Variants in PDZD8 observed in about 807,000 individuals in gnomAD.
The protein encoded by PDZD8 is PDZ domain-containing protein 8.
PDZD8 carries 14 observed loss-of-function variants against 85.8 expected under a neutral mutation model. The observed-to-expected ratio is 0.16, with a 90% CI of 0.11 to 0.26. The LOEUF is 0.26. Among genes scored for constraint, PDZD8 ranks in the 10% least tolerant of loss-of-function variants. The pLI, the probability that PDZD8 is intolerant of heterozygous loss-of-function variation, is 1.00. For synonymous variants in PDZD8, 592 were observed against 568.6 expected, an observed-to-expected ratio of 1.04 and a Z score of -0.59; for missense variants, 1,197 against 1,424.3, an observed-to-expected ratio of 0.84 and a Z score of 2.57.
At chr10:117,332,495 T>G (rs2133832010) in intron 2 of PDZD8, among the ~76,000 whole-genome samples, 1 of 134,566 alleles carries the variant, frequency 7.4e-6, no homozygotes, top group East Asian at 2.3e-4. Context: ...TTTTATTCTG[T>G]AAGGGTTTTT....
chr10:117,304,400 C>T (rs1175494019), intron 3 of PDZD8, among the ~76,000 whole-genome samples: 1 of 152,136 alleles, frequency 6.6e-6, no homozygotes, highest in African/African-American at 2.4e-5. Context: ...ATTTTACAGG[C>T]TCATAGGCGG....
intron 1 of PDZD8, among the ~76,000 whole-genome samples, chr10:117,373,829 C>T (rs921342531): frequency 6.6e-6 from 1 of 152,090 alleles, no homozygotes; most frequent in Non-Finnish European, 1.5e-5. Context: ...GCAAGAGTTA[C>T]CACCTCTGCC....
intron 4 of PDZD8, among the ~76,000 whole-genome samples, chr10:117,287,252 A>G (rs1019302811): frequency 1.3e-5 from 2 of 151,900 alleles, no homozygotes; most frequent in African/African-American, 4.8e-5. Flanking sequence ...ACTTTACACA[A>G]TTGGTTCTGA....
chr10:117,314,640 G>C (rs959632211), intron 3 of PDZD8, among the ~76,000 whole-genome samples: 1 of 151,972 alleles, frequency 6.6e-6, no homozygotes, highest in African/African-American at 2.4e-5. Flanking sequence ...CTGCATACTG[G>C]GCTACAAAAG....
At chr10:117,367,437 A>T (rs898595585) in intron 1 of PDZD8, among the ~76,000 whole-genome samples, 1 of 130,396 alleles carries the variant, frequency 7.7e-6, no homozygotes, top group Non-Finnish European at 1.6e-5. Flanking sequence ...AACAAACAAA[A>T]ATTATAGCCT....
intron 1 of PDZD8, among the ~76,000 whole-genome samples, chr10:117,364,837 C>A (rs933457761): frequency 2.0e-5 from 3 of 151,444 alleles, no homozygotes; most frequent in African/African-American, 7.3e-5. Context: ...TGTTACACTT[C>A]ACAGAATAAT....
chr10:117,359,444 C>T (rs943199593), intron 1 of PDZD8, among the ~76,000 whole-genome samples: 1 of 151,172 alleles, frequency 6.6e-6, no homozygotes, highest in African/African-American at 2.4e-5. Flanking sequence ...GGCACGGTGG[C>T]TCATGTCTGT....
intron 4 of PDZD8, among the ~76,000 whole-genome samples, chr10:117,286,173 A>C (rs1844660424): frequency 6.6e-6 from 1 of 152,204 alleles, no homozygotes; most frequent in Non-Finnish European, 1.5e-5. Flanking sequence ...GTAGTTTAAA[A>C]TTTGAAAGGT....
intron 2 of PDZD8, among the ~76,000 whole-genome samples, chr10:117,322,880 G>A (rs1844249858): frequency 1.3e-5 from 2 of 152,292 alleles, no homozygotes; most frequent in South Asian, 4.1e-4. Flanking sequence ...ATGCAATGAA[G>A]TATACTGTAG....
rs61193863 is a variant in PDZD8 at position 117,342,679 on chromosome 10, C to T, written c.873-1577G>A. On this transcript the variant is annotated intron_variant, in intron 1 of 4. Transcript: ENST00000334464. ...TTTTAGCAGAGATGGGGTTTTGCCA[C>T]GCTGGCCAGATCAGTCTTGAACTCC... Among the ~76,000 whole-genome samples the T allele has an allele frequency of 4.8e-3, 723 of 152,180 alleles. 10 individuals carry two copies. Among genetic ancestry groups the T allele is most frequent in the African/African-American group, 0.017 (696 of 41,534 alleles).
intron 2 of PDZD8, among the ~76,000 whole-genome samples, chr10:117,331,160 C>T (rs17627621): frequency 0.033 from 4,967 of 152,166 alleles, 136 homozygotes; most frequent in Non-Finnish European, 0.051. Flanking sequence ...TTGTATTCAT[C>T]GTAGTATTTA....
At position 117,374,730 on chromosome 10, in the gene PDZD8, G is replaced by C; in HGVS notation, c.498C>G (p.Val166=). The change falls in exon 1 of 5, where the codon GTC becomes GTG. Residue 166 remains valine (V), a synonymous_variant. Transcript: ENST00000334464. The surrounding 1 kb of genome is among the most constrained non-coding windows in gnomAD (Gnocchi z 7.8). Reference sequence around the variant, plus strand: ...CGGGCTCCCCGGTGGCCGAGGGCACGACTGGCCGCACGAGCCGGATGGTCT... The same window carrying C: ...CGGGCTCCCCGGTGGCCGAGGGCACCACTGGCCGCACGAGCCGGATGGTCT... ...FIKTIRLVRP[V]VPSATGEPDG... 2 of 1,610,960 alleles carry C rather than the reference G, an allele frequency of 1.2e-6. No homozygotes were observed. Among genetic ancestry groups the C allele is most frequent in the Non-Finnish European group, 1.7e-6 (2 of 1,179,200 alleles).
intron 3 of PDZD8, 104 bp from the exon 4 acceptor site, chr10:117,290,452 G>A (rs1844738848): frequency 7.6e-6 from 6 of 784,982 alleles, no homozygotes; most frequent in Non-Finnish European, 1.1e-5. Context: ...CATGGCTGAT[G>A]CTGACTTTTC....
chr10:117,298,886 C>T (rs1403276091), intron 3 of PDZD8, among the ~76,000 whole-genome samples: 1 of 152,150 alleles, frequency 6.6e-6, no homozygotes, highest in Non-Finnish European at 1.5e-5. Context: ...GCAGTCAGCC[C>T]TCCATATCCA....
intron 3 of PDZD8, among the ~76,000 whole-genome samples, chr10:117,313,140 GA>G (rs1352591432): frequency 6.6e-6 from 1 of 152,084 alleles, no homozygotes; most frequent in Non-Finnish European, 1.5e-5. Flanking sequence ...GTGTAAATCT[GA>G]AGATTATACT....
At chr10:117,307,756 G>A (rs1843968183) in intron 3 of PDZD8, among the ~76,000 whole-genome samples, 1 of 152,002 alleles carries the variant, frequency 6.6e-6, no homozygotes, top group Non-Finnish European at 1.5e-5. Flanking sequence ...TATTTAAGTT[G>A]AGAAATACAC....
At chr10:117,308,757 A>C (rs1843986910) in intron 3 of PDZD8, among the ~76,000 whole-genome samples, 1 of 152,092 alleles carries the variant, frequency 6.6e-6, no homozygotes, top group Non-Finnish European at 1.5e-5. Flanking sequence ...GATTTGGATA[A>C]ATTACTTCTG....
At position 117,375,410 on chromosome 10, in the gene PDZD8, G is replaced by C. The variant is rs1000522064; in HGVS notation, c.-183C>G. 2 of 317,800 alleles carry C rather than the reference G, an allele frequency of 6.3e-6. No individual in the cohort carries two copies. Among genetic ancestry groups the C allele is most frequent in the African/African-American group, 2.2e-5 (1 of 45,702 alleles). 19.7% of individuals were successfully genotyped at this position (317,800 alleles called of 1,614,324 possible). ...GGCGCCCGAGCCCGCAGCGGCCCGC[G>C]CCTCCTCAGACGCTCCCGAAGGGCC... On this transcript the variant is annotated 5_prime_UTR_variant, in exon 1 of 5. Coordinates refer to ENST00000334464, the MANE Select transcript of PDZD8 (RefSeq NM_173791.5).
intron 1 of PDZD8, among the ~76,000 whole-genome samples, chr10:117,342,343 T>C (rs1844628140): frequency 6.6e-6 from 1 of 151,786 alleles, no homozygotes; most frequent in African/African-American, 2.4e-5. Flanking sequence ...AGCCATGATA[T>C]CTACTTGCTC....
Sources: gnomAD v4.1 joint callset for allele counts (sites outside exome capture counted in the v4.1 genomes callset) on GRCh38, gnomAD v4.1.1 for gene constraint, Gnocchi (gnomAD v3.1) non-coding constraint, MANE v1.5 for transcripts, NCBI Gene and HGNC (gene_info 2026-07-23, HGNC 2026-07-21) for gene names.